PLXNA4: variants seen among roughly 807,000 people sequenced by gnomAD.
The protein encoded by PLXNA4 is plexin A4, also known as plexin-A4.
In PLXNA4, 44 loss-of-function variants were observed where a neutral mutation model predicts 191.8. That is an observed-to-expected ratio of 0.23 (90% confidence interval 0.18 to 0.29). The LOEUF is 0.29. Among genes scored for constraint, PLXNA4 ranks in the 10% least tolerant of loss-of-function variants. PLXNA4 has a pLI of 1.00. For synonymous variants in PLXNA4, 1,082 were observed against 1,009.5 expected (o/e 1.07, Z -1.36); for missense variants, 1,800 against 2,488.8 (o/e 0.72, Z 5.89).
chr7:132,322,184 C>CTGTCTTTTTTTTTTTTTTTTTTTTTTT (rs376377991), intron 3 of PLXNA4, among the ~76,000 whole-genome samples: 3 of 122,520 alleles, frequency 2.4e-5, no homozygotes, highest in African/African-American at 9.0e-5. Context: ...CCTAAAAGGG[C>CTGTCTTTTTTTTTTTTTTTTTTTTTTT]TTTTTTTTTT....
chr7:132,488,721 G>A (rs1490193109), intron 3 of PLXNA4, among the ~76,000 whole-genome samples: 2 of 152,170 alleles, frequency 1.3e-5, no homozygotes, highest in Non-Finnish European at 2.9e-5. Flanking sequence ...AAGATGCAGG[G>A]GAAAGGTCAG....
At chr7:132,495,662 T>C (rs1404681797) in intron 2 of PLXNA4, among the ~76,000 whole-genome samples, 2 of 152,156 alleles carry the variant, frequency 1.3e-5, no homozygotes, top group African/African-American at 4.8e-5. Context: ...CTGCCCTTCC[T>C]GAATGGAAAA....
At chr7:132,511,555 T>C (rs755561298) in intron 1 of PLXNA4, among the ~76,000 whole-genome samples, 14 of 152,200 alleles carry the variant, frequency 9.2e-5, no homozygotes, top group Non-Finnish European at 1.8e-4. Flanking sequence ...ATAACACCGA[T>C]CAGGTGAGTT....
intron 6 of PLXNA4, 86 bp from the exon 7 acceptor site, chr7:132,227,690 T>C: frequency 6.5e-7 from 1 of 1,537,562 alleles, no homozygotes; most frequent in Non-Finnish European, 8.9e-7. Context: ...AGTGGGAGAG[T>C]GAGAGAGATC....
intron 3 of PLXNA4, among the ~76,000 whole-genome samples, chr7:132,471,854 C>T (rs192833007): frequency 3.9e-5 from 6 of 152,284 alleles, no homozygotes; most frequent in Non-Finnish European, 1.5e-5. Flanking sequence ...ACAAGCAGGG[C>T]CACGGCCTTT....
At chr7:132,608,210 T>G (rs1350828380) in intron 2 of PLXNA4, among the ~76,000 whole-genome samples, 1 of 152,250 alleles carries the variant, frequency 6.6e-6, no homozygotes, top group Non-Finnish European at 1.5e-5. Context: ...ACCATGATCA[T>G]CATCACTATC....
chr7:132,315,885 G>A (rs1478236127), intron 3 of PLXNA4, among the ~76,000 whole-genome samples: 1 of 152,166 alleles, frequency 6.6e-6, no homozygotes, highest in Non-Finnish European at 1.5e-5. Context: ...TGTGGTCAGG[G>A]CATATGACTT....
At chr7:132,601,163 A>G (rs1802811724) in intron 2 of PLXNA4, among the ~76,000 whole-genome samples, 1 of 152,178 alleles carries the variant, frequency 6.6e-6, no homozygotes. Context: ...ACCACTTAGC[A>G]CATGGGAGGG....
At chr7:132,605,891 C>A (rs889734514) in intron 2 of PLXNA4, among the ~76,000 whole-genome samples, 1 of 152,110 alleles carries the variant, frequency 6.6e-6, no homozygotes, top group African/African-American at 2.4e-5. Flanking sequence ...GGTCAAGAAA[C>A]ACCAAAGGCC....
At chr7:132,298,369 T>C (rs767185036) in intron 3 of PLXNA4, 147 bp from the exon 4 acceptor site, 23 of 1,109,056 alleles carry the variant, frequency 2.1e-5, no homozygotes, top group Non-Finnish European at 2.9e-5. Context: ...AGGAGTGGAG[T>C]GACATAAGCT....
At chr7:132,482,194 A>C (rs1426501477) in intron 3 of PLXNA4, among the ~76,000 whole-genome samples, 1 of 152,154 alleles carries the variant, frequency 6.6e-6, no homozygotes, top group Admixed American at 6.5e-5. Flanking sequence ...AGCTGGACCC[A>C]CTAGCTGGCT....
intron 3 of PLXNA4, among the ~76,000 whole-genome samples, chr7:132,463,211 A>C (rs2117371102): frequency 6.6e-6 from 1 of 152,220 alleles, no homozygotes; most frequent in South Asian, 2.1e-4. Context: ...GTACCATGAA[A>C]CCAAGCTGAT....
At chr7:132,386,298 C>A (rs1033790143) in intron 3 of PLXNA4, among the ~76,000 whole-genome samples, 1 of 152,160 alleles carries the variant, frequency 6.6e-6, no homozygotes, top group African/African-American at 2.4e-5. Context: ...GGGAGAACAC[C>A]GGGCTGTGTT....
chr7:132,563,024 CTTT>C lies in PLXNA4; in HGVS notation c.-87+13395_-87+13397del, dbSNP rs1269712595. Among the ~76,000 whole-genome samples the C allele has an allele frequency of 2.7e-3, 298 of 109,238 alleles. 8 individuals are homozygous for C. The highest frequency in any genetic ancestry group is 5.4e-3 in the African/African-American group (146 of 27,218). 71.7% of individuals were successfully genotyped at this position (109,238 alleles called of 152,430 possible). On this transcript the variant is annotated intron_variant, in intron 1 of 31. Coordinates refer to ENST00000321063, the MANE Select transcript of PLXNA4 (RefSeq NM_020911.2). ...TCCTTCTCCTCCTCTTTCTCTTCCT[CTTT>C]CTCCTCCTCCTTCTCTTCTTTCTCT... is the stretch of plus-strand genomic sequence containing the variant.
At chr7:132,646,130 T>C (rs1237368389) in intron 1 of PLXNA4, 1 of 152,546 alleles carries the variant, frequency 6.6e-6, no homozygotes, top group Non-Finnish European at 1.5e-5. Flanking sequence ...TATTCTGATC[T>C]TTCTCTGTCA....
intron 1 of PLXNA4, among the ~76,000 whole-genome samples, chr7:132,550,333 G>T (rs746770860): frequency 2.6e-5 from 4 of 152,164 alleles, no homozygotes; most frequent in Non-Finnish European, 5.9e-5. Flanking sequence ...ACCTTTTGAA[G>T]AAGTGTTAAG....
rs545128537 is a variant in PLXNA4, at chr7:132,175,813, G to A, written c.3875-893C>T. 2.6e-5 allele frequency among the ~76,000 whole-genome samples: 4 copies of A among 152,304 alleles called. No homozygotes were observed. In the East Asian group the frequency reaches 7.7e-4, roughly 29 times the overall value. On this transcript the variant is annotated intron_variant, in intron 20 of 31. Transcript: ENST00000321063. ...TTGGTGTGTGCACACACACATATAC[G>A]TGCATGCATGCACATGGACCACCAG...
intron 1 of PLXNA4, among the ~76,000 whole-genome samples, chr7:132,572,023 G>A (rs1802003109): frequency 6.6e-6 from 1 of 152,296 alleles, no homozygotes; most frequent in South Asian, 2.1e-4. Flanking sequence ...CATTTGCCTG[G>A]CATCACAGAG....
At chr7:132,524,487 G>A (rs558230559) in intron 1 of PLXNA4, among the ~76,000 whole-genome samples, 1 of 152,274 alleles carries the variant, frequency 6.6e-6, no homozygotes, top group South Asian at 2.1e-4. Flanking sequence ...GAGTGCCCTG[G>A]GTTCCCCATT....
Sources: allele counts gnomAD v4.1 joint callset (sites outside exome capture counted in the v4.1 genomes callset), GRCh38; gene constraint gnomAD v4.1.1; transcripts MANE v1.5; gene names NCBI Gene and HGNC (gene_info 2026-07-23, HGNC 2026-07-21).